The following ARMC8 variants were observed in gnomAD, a reference collection of about 807,000 sequenced individuals.
The protein encoded by ARMC8 is armadillo repeat containing 8.
ARMC8 carries 20 observed loss-of-function variants against 99.3 expected under a neutral mutation model. The observed-to-expected ratio is 0.20, with a 90% CI of 0.14 to 0.29. The LOEUF is 0.29. ARMC8 is among the 10% of genes least tolerant of loss of function. ARMC8 has a pLI of 1.00. For synonymous variants in ARMC8, 263 were observed against 278.3 expected (o/e 0.95, Z 0.55); for missense variants, 569 against 809.5 (o/e 0.70, Z 3.60).
At chr3:138,241,636 AAAAT>A in intron 10 of ARMC8, 143 bp from the exon 11 acceptor site, 4 of 728,070 alleles carry the variant, frequency 5.5e-6, no homozygotes, top group Middle Eastern at 8.1e-4. Flanking sequence ...GCATTTTAAA[AAAAT>A]CTTTTATTCT....
chr3:138,294,758 A>C (rs1268583199), intron 21 of ARMC8, among the ~76,000 whole-genome samples: 1 of 152,054 alleles, frequency 6.6e-6, no homozygotes, highest in African/African-American at 2.4e-5. Flanking sequence ...TAGAAACTTT[A>C]CCATGTTTGT....
intron 6 of ARMC8, 157 bp downstream of exon 6, chr3:138,229,167 T>TATATATATACAC (rs2045882959): frequency 1.8e-5 from 1 of 56,572 alleles, no homozygotes; most frequent in Admixed American, 1.7e-4. Context: ...TATATATATA[T>TATATATATACAC]ATATATATAT....
In ARMC8 at chr3:138,274,438, T is replaced by C. The variant is rs777732236; in HGVS notation, c.1630-11T>C. On this transcript the variant is annotated splice_polypyrimidine_tract_variant and intron_variant, in intron 17 of 21. Coordinates refer to ENST00000469044, the MANE Select transcript of ARMC8 (RefSeq NM_001363941.2). ...TTCTTTGATAATTATGGATTTCCCA[T>C]TGTTTTACAGCATATAGATAAAATA... The C allele has an allele frequency of 1.3e-6, 2 of 1,539,084 alleles. No homozygotes were observed. The highest frequency in any genetic ancestry group is 3.5e-5 in the Admixed American group (2 of 57,846).
At chr3:138,222,036 T>C in intron 3 of ARMC8, 39 bp downstream of exon 3, 5 of 1,485,228 alleles carry the variant, frequency 3.4e-6, no homozygotes, top group Non-Finnish European at 4.7e-6. Context: ...CCATTCATAC[T>C]AGTTTCTAAT....
chr3:138,244,610 A>T (rs2046795492), intron 11 of ARMC8, among the ~76,000 whole-genome samples: 2 of 152,230 alleles, frequency 1.3e-5, no homozygotes, highest in Admixed American at 1.3e-4. Context: ...AAATTAGGCC[A>T]GCACTACTCT....
intron 12 of ARMC8, chr3:138,246,891 T>G (rs1233273731): frequency 4.6e-6 from 4 of 876,202 alleles, no homozygotes; most frequent in South Asian, 5.3e-5. Flanking sequence ...TTAATTATAG[T>G]TTTTTGTGTG....
chr3:138,234,113 T>G (rs35241684), intron 6 of ARMC8, among the ~76,000 whole-genome samples: 1 of 146,376 alleles, frequency 6.8e-6, no homozygotes, highest in Admixed American at 6.8e-5. Context: ...TTTGTTTTTG[T>G]TTTTTTTTTT....
intron 1 of ARMC8, among the ~76,000 whole-genome samples, chr3:138,192,301 G>A (rs1372698680): frequency 9.2e-5 from 12 of 130,174 alleles, no homozygotes; most frequent in East Asian, 8.7e-4. Flanking sequence ...TTTTTGAGAC[G>A]GAGTCTCCCT....
At chr3:138,224,245 A>G (rs1237349632) in intron 5 of ARMC8, among the ~76,000 whole-genome samples, 4 of 151,872 alleles carry the variant, frequency 2.6e-5, no homozygotes, top group Admixed American at 2.6e-4. Context: ...GGTGTGAGCC[A>G]CTGCGCCCGA....
At chr3:138,254,276 CTGGAATGTAAGCTA>C (rs1179257746) in intron 12 of ARMC8, among the ~76,000 whole-genome samples, 2 of 152,164 alleles carry the variant, frequency 1.3e-5, no homozygotes, top group African/African-American at 4.8e-5. Context: ...GTGGTTGTCA[CTGGAATGTAAGCTA>C]TGTAAAAGCA....
At chr3:138,198,861 T>C (rs1338977969) in intron 1 of ARMC8, among the ~76,000 whole-genome samples, 1 of 152,136 alleles carries the variant, frequency 6.6e-6, no homozygotes, top group Admixed American at 6.6e-5. Context: ...TAAGCACTGA[T>C]TAATTTACTA....
chr3:138,208,096 T>TG (rs1007561716), intron 1 of ARMC8, among the ~76,000 whole-genome samples: 7 of 149,792 alleles, frequency 4.7e-5, no homozygotes, highest in South Asian at 2.1e-4. Flanking sequence ...CTGTTTTTTT[T>TG]TTTTTGTTGT....
intron 1 of ARMC8, among the ~76,000 whole-genome samples, chr3:138,194,341 C>CTTTT (rs34445278): frequency 7.9e-6 from 1 of 126,598 alleles, no homozygotes. Flanking sequence ...CTGCGCCCAG[C>CTTTT]TTTTTTTTTT....
At chr3:138,291,554 G>A (rs1285596794) in intron 21 of ARMC8, among the ~76,000 whole-genome samples, 1 of 152,170 alleles carries the variant, frequency 6.6e-6, no homozygotes, top group Non-Finnish European at 1.5e-5. Flanking sequence ...TTACATTCTA[G>A]TATAGAAGAT....
intron 12 of ARMC8, chr3:138,263,416 A>C (rs1447397809): frequency 7.5e-6 from 2 of 265,524 alleles, no homozygotes; most frequent in Non-Finnish European, 1.5e-5. Flanking sequence ...GAGTTCATTT[A>C]TTTCTTTTCC....
chr3:138,195,284 C>CAA (rs945623878), intron 1 of ARMC8, among the ~76,000 whole-genome samples: 3 of 55,256 alleles, frequency 5.4e-5, no homozygotes, highest in Non-Finnish European at 7.3e-5. Context: ...GACTCCGTCT[C>CAA]AAAAAAAAAA....
chr3:138,231,292 A>G (rs2046013516), intron 6 of ARMC8, among the ~76,000 whole-genome samples: 1 of 151,434 alleles, frequency 6.6e-6, no homozygotes, highest in South Asian at 2.1e-4. Context: ...CTTTTTTTGC[A>G]TATAAGTAAA....
At chr3:138,275,989 T>G (rs1424311879) in intron 18 of ARMC8, among the ~76,000 whole-genome samples, 1 of 152,102 alleles carries the variant, frequency 6.6e-6, no homozygotes, top group Non-Finnish European at 1.5e-5. Context: ...CCATTGTACT[T>G]TGAGAGGATA....
chr3:138,188,644 A>C, intron 1 of ARMC8: 1 of 1,381,814 alleles, frequency 7.2e-7, no homozygotes, highest in South Asian at 1.2e-5. Context: ...GTTGGATTAT[A>C]AATGACTTGT....
Sources: gnomAD v4.1 joint callset for allele counts (sites outside exome capture counted in the v4.1 genomes callset) on GRCh38, gnomAD v4.1.1 for gene constraint, MANE v1.5 for transcripts, NCBI Gene and HGNC (gene_info 2026-07-23, HGNC 2026-07-21) for gene names.